Variants in PCDH11Y observed in about 807,000 individuals in gnomAD.
PCDH11Y encodes the protein protocadherin 11 Y-linked.
For missense variants in PCDH11Y, 12 were observed against 224.8 expected (o/e 0.05, Z 6.05); for synonymous variants, 9 against 83.6 (o/e 0.11, Z 4.87).
intron 2 of PCDH11Y, among the ~76,000 whole-genome samples, chrY:5,303,605 A>G: frequency 1.9e-4 from 6 of 31,984 alleles, no homozygotes; most frequent in Non-Finnish European, 3.8e-4. Flanking sequence ...AGACATCTGT[A>G]TCTGCTTCCT....
chrY:5,721,263 T>G, intron 4 of PCDH11Y, among the ~76,000 whole-genome samples: 1 of 32,615 alleles, frequency 3.1e-5, no homozygotes, highest in African/African-American at 1.2e-4. Flanking sequence ...ATGGGGGAAG[T>G]TCAAGCTAAG....
chrY:5,289,591 C>A (rs2053065064), intron 2 of PCDH11Y, among the ~76,000 whole-genome samples: 1 of 32,749 alleles, frequency 3.1e-5, no homozygotes, highest in Non-Finnish European at 7.5e-5. Context: ...GAGGGTGGAC[C>A]CAAGGAGCTG....
At chrY:5,624,176 A>G (rs2053503958) in intron 4 of PCDH11Y, among the ~76,000 whole-genome samples, 1 of 31,983 alleles carries the variant, frequency 3.1e-5, no homozygotes, top group African/African-American at 1.2e-4. Flanking sequence ...CTTTTGCTCA[A>G]TTAGTATGTT....
chrY:5,109,355 G>A (rs2124638691), downstream of PCDH11Y, among the ~76,000 whole-genome samples: 16 of 33,612 alleles, frequency 4.8e-4, no homozygotes, highest in South Asian at 0.01. Flanking sequence ...GAAAAATCTA[G>A]AAAATTGTAT....
At chrY:5,133,005 A>G (rs2052835627) in intron 2 of PCDH11Y, among the ~76,000 whole-genome samples, 16 of 32,782 alleles carry the variant, frequency 4.9e-4, no homozygotes, top group Non-Finnish European at 1.1e-3. Flanking sequence ...AAATAGTTCA[A>G]TATATACCTC....
chrY:5,263,289 G>A (rs1602895943), intron 2 of PCDH11Y, among the ~76,000 whole-genome samples: 6 of 30,539 alleles, frequency 2.0e-4, no homozygotes, highest in Admixed American at 6.0e-4. Flanking sequence ...GCCATGTGTC[G>A]TGGGAGGAAC....
chrY:5,612,061 C>T, intron 4 of PCDH11Y, among the ~76,000 whole-genome samples: 1 of 19,655 alleles, frequency 5.1e-5, no homozygotes, highest in Non-Finnish European at 1.1e-4. Flanking sequence ...CACTGGCCTG[C>T]GCCCACTGTC....
chrY:5,298,554 G>A (rs2053077814), intron 2 of PCDH11Y, among the ~76,000 whole-genome samples: 1 of 33,535 alleles, frequency 3.0e-5, no homozygotes, highest in African/African-American at 1.2e-4. Context: ...GTGCATGATA[G>A]AATACAATTT....
intron 4 of PCDH11Y, among the ~76,000 whole-genome samples, chrY:5,640,546 T>C (rs2053522529): frequency 3.0e-5 from 1 of 33,487 alleles, no homozygotes; most frequent in Admixed American, 2.7e-4. Context: ...ATGTCTCCAT[T>C]AGAGCTCTTG....
At chrY:5,668,889 C>T in intron 4 of PCDH11Y, among the ~76,000 whole-genome samples, 1 of 28,508 alleles carries the variant, frequency 3.5e-5, no homozygotes, top group African/African-American at 1.4e-4. Flanking sequence ...TATTTAATCT[C>T]TCCCTAAGAT....
chrY:5,383,464 C>T, intron 2 of PCDH11Y, among the ~76,000 whole-genome samples: 1 of 30,463 alleles, frequency 3.3e-5, no homozygotes, highest in Non-Finnish European at 7.8e-5. Flanking sequence ...TGCCACTGCA[C>T]TCCAGCCTGG....
intron 2 of PCDH11Y, among the ~76,000 whole-genome samples, chrY:5,195,717 T>C (rs2124648986): frequency 3.0e-5 from 1 of 33,490 alleles, no homozygotes; most frequent in Admixed American, 2.8e-4. Context: ...TTTCTTGATC[T>C]TCTTCTTCAA....
intron 3 of PCDH11Y, among the ~76,000 whole-genome samples, chrY:5,578,136 C>T: frequency 2.1e-4 from 7 of 32,857 alleles, no homozygotes; most frequent in Non-Finnish European, 5.2e-4. Flanking sequence ...AAATTTGATT[C>T]GAGCTTCATT....
At chrY:5,358,891 T>C in intron 2 of PCDH11Y, among the ~76,000 whole-genome samples, 1 of 30,995 alleles carries the variant, frequency 3.2e-5, no homozygotes, top group Non-Finnish European at 7.7e-5. Context: ...TATTTAGGAA[T>C]AGGATGGGAG....
At chrY:5,466,748 T>A in intron 2 of PCDH11Y, among the ~76,000 whole-genome samples, 1 of 33,001 alleles carries the variant, frequency 3.0e-5, no homozygotes, top group East Asian at 8.0e-4. Context: ...AGTGAACTCG[T>A]GTGGCTCATA....
At chrY:5,179,072 G>C in intron 2 of PCDH11Y, among the ~76,000 whole-genome samples, 2 of 33,120 alleles carry the variant, frequency 6.0e-5, no homozygotes, top group Non-Finnish European at 1.5e-4. Context: ...ATTGTGAATA[G>C]TGCTGCAATG....
intron 3 of PCDH11Y, among the ~76,000 whole-genome samples, chrY:5,527,042 G>T: frequency 1.2e-4 from 4 of 32,576 alleles, no homozygotes; most frequent in Non-Finnish European, 3.0e-4. Flanking sequence ...TTCAAAAAAT[G>T]GCAGTGTTGG....
At chrY:5,613,864 A>C in intron 4 of PCDH11Y, among the ~76,000 whole-genome samples, 1 of 32,864 alleles carries the variant, frequency 3.0e-5, no homozygotes, top group Non-Finnish European at 7.5e-5. Flanking sequence ...TACATAAAAC[A>C]TTCAAGAAAA....
chrY:5,218,848 A>G, intron 2 of PCDH11Y, among the ~76,000 whole-genome samples: 1 of 31,886 alleles, frequency 3.1e-5, no homozygotes, highest in African/African-American at 1.2e-4. Flanking sequence ...GAAAGTTTGT[A>G]CCCTTTCACC....
Sources: gnomAD v4.1 joint callset for allele counts (sites outside exome capture counted in the v4.1 genomes callset) on GRCh38, gnomAD v4.1.1 for gene constraint, MANE v1.5 for transcripts, NCBI Gene and HGNC (gene_info 2026-07-23, HGNC 2026-07-21) for gene names.